CELF2: variants seen among roughly 807,000 people sequenced by gnomAD.
CELF2 encodes the protein CUGBP Elav-like family member 2, also known as CUG triplet repeat RNA-binding protein 2.
Under a neutral mutation model 62.6 loss-of-function variants are expected in CELF2, and 8 were observed. That is an observed-to-expected ratio of 0.13 (90% confidence interval 0.07 to 0.23). The LOEUF is 0.23. CELF2 is among the 10% of genes least tolerant of loss of function. The pLI, the probability that CELF2 is intolerant of heterozygous loss-of-function variation, is 1.00. For synonymous variants in CELF2, 258 were observed against 250.0 expected (o/e 1.03, Z -0.30); for missense variants, 333 against 671.0 (o/e 0.50, Z 5.56).
Position 10,936,076 on chromosome 10 carries a change from C to T in CELF2, c.89+16077C>T, listed in dbSNP as rs540895512. 3.3e-5 allele frequency among the ~76,000 whole-genome samples: 5 copies of T among 151,838 alleles called. No individual in the cohort carries two copies. The highest frequency in any genetic ancestry group is 4.8e-5 in the African/African-American group (2 of 41,308). On this transcript the variant is annotated intron_variant, in intron 2 of 13. Coordinates refer to the CELF2 transcript ENST00000636488. The surrounding 1 kb of genome is among the most constrained non-coding windows in gnomAD (Gnocchi z 4.0). ...ACTCATGAGGCTGAAGCAAGAGAAT[C>T]GCTTAAACCCTGGAGGCAGAGGTTG...
At chr10:10,875,031 G>T (rs1591438920) in intron 1 of CELF2, among the ~76,000 whole-genome samples, 1 of 152,240 alleles carries the variant, frequency 6.6e-6, no homozygotes, top group South Asian at 2.1e-4. Context: ...AGACCCTTTG[G>T]GGGTTTAGGA....
chr10:10,742,589 CAAAAAA>C, the CELF2 span, among the ~76,000 whole-genome samples: 5 of 128,118 alleles, frequency 3.9e-5, no homozygotes, highest in Non-Finnish European at 5.0e-5. Flanking sequence ...GACTTTGTTG[CAAAAAA>C]AAAAAAAAAA....
chr10:10,968,164 AG>A (rs2050347066), intron 2 of CELF2, among the ~76,000 whole-genome samples: 1 of 152,140 alleles, frequency 6.6e-6, no homozygotes, highest in African/African-American at 2.4e-5. Flanking sequence ...TTGATAAGGG[AG>A]GGCTGGGAAA....
At chr10:11,261,760 C>A (rs2080689102) in intron 5 of CELF2, among the ~76,000 whole-genome samples, 1 of 152,374 alleles carries the variant, frequency 6.6e-6, no homozygotes, top group African/African-American at 2.4e-5. Flanking sequence ...TGCTCAGCCT[C>A]TCCAGGCCTG....
At position 11,023,065 on chromosome 10, in the gene CELF2, C is replaced by T. The variant is rs191958570; in HGVS notation, c.74+4902C>T. 1.2e-4 allele frequency among the ~76,000 whole-genome samples: 18 copies of T among 152,220 alleles called. 1 individual carries two copies. The East Asian group carries it at 2.3e-3, about 20-fold the overall frequency. On this transcript the variant is annotated intron_variant, in intron 1 of 12. Coordinates refer to ENST00000633077, the MANE Select transcript of CELF2 (RefSeq NM_001326342.2). ...CATTATTTCCACTTTAGAGTATTAC[C>T]GTTTGGGAGATTTTGTTTCTTCACG...
the CELF2 span, among the ~76,000 whole-genome samples, chr10:10,746,843 A>G: frequency 1.3e-5 from 2 of 152,254 alleles, no homozygotes; most frequent in Admixed American, 1.3e-4. Context: ...TTTTGTACCA[A>G]CCTAATACCA....
At chr10:11,212,974 G>A (rs2062307036) in intron 2 of CELF2, among the ~76,000 whole-genome samples, 1 of 152,148 alleles carries the variant, frequency 6.6e-6, no homozygotes, top group South Asian at 2.1e-4. Context: ...AGTGGAAATA[G>A]GTGAAGCAGC....
intron 2 of CELF2, chr10:10,927,345 T>TGAAAAAAAAAAAAAAAAAAAAAA (rs2065584021): frequency 3.4e-5 from 1 of 29,704 alleles, no homozygotes; most frequent in African/African-American, 2.3e-4. Flanking sequence ...CCTAGTGACA[T>TGAAAAAAAAAAAAAAAAAAAAAA]TAAAAAAAAA....
chr10:11,018,473 G>A (rs957169949), intron 1 of CELF2, among the ~76,000 whole-genome samples: 1 of 151,082 alleles, frequency 6.6e-6, no homozygotes, highest in African/African-American at 2.4e-5. Flanking sequence ...GGGTCCCCGC[G>A]GGGTGAGTGG....
rs1395735907 is a variant in CELF2, at chr10:11,156,923, A to G, written c.75-8563A>G. 1.3e-5 allele frequency among the ~76,000 whole-genome samples: 2 copies of G among 152,324 alleles called. No individual in the cohort carries two copies. The highest frequency in any genetic ancestry group is 3.9e-4 in the East Asian group (2 of 5,194). Reference sequence around the variant, plus strand: ...GAGGAAAAGAAGACCGGAAGAGATGAACTTTAGGTGTGCTGAATTTGAGGT... The same window carrying G: ...GAGGAAAAGAAGACCGGAAGAGATGGACTTTAGGTGTGCTGAATTTGAGGT... On this transcript the variant is annotated intron_variant, in intron 1 of 12. Coordinates refer to ENST00000633077, the MANE Select transcript of CELF2 (RefSeq NM_001326342.2). This position sits in a 1 kb window ranked among gnomAD's most constrained non-coding sequence, Gnocchi z 4.3.
At chr10:10,502,304 G>A in the CELF2 span, among the ~76,000 whole-genome samples, 1 of 151,854 alleles carries the variant, frequency 6.6e-6, no homozygotes, top group African/African-American at 2.4e-5. Flanking sequence ...CTCCTGTTCT[G>A]CTTTTTGGAA....
At chr10:11,229,946 T>C (rs1487025816) in intron 3 of CELF2, among the ~76,000 whole-genome samples, 4 of 152,168 alleles carry the variant, frequency 2.6e-5, no homozygotes, top group Middle Eastern at 3.2e-3. Context: ...TTAGAACTTC[T>C]GTTAAGAGAA....
intron 1 of CELF2, among the ~76,000 whole-genome samples, chr10:11,130,709 T>G (rs896024523): frequency 2.7e-4 from 41 of 152,196 alleles, no homozygotes; most frequent in Admixed American, 8.5e-4. Flanking sequence ...AATGTGTACT[T>G]AAAAAACAGT....
chr10:10,724,678 G>GAAAA, the CELF2 span, among the ~76,000 whole-genome samples: 1 of 111,620 alleles, frequency 9.0e-6, no homozygotes, highest in Non-Finnish European at 2.1e-5. Flanking sequence ...AAAGAAAAAA[G>GAAAA]AAAAGTGCGA....
At chr10:11,197,384 C>A (rs1451460750) in intron 2 of CELF2, among the ~76,000 whole-genome samples, 2 of 152,190 alleles carry the variant, frequency 1.3e-5, no homozygotes, top group Admixed American at 6.5e-5. Flanking sequence ...TAAGTAGCAT[C>A]CAGTTTCATC....
intron 1 of CELF2, among the ~76,000 whole-genome samples, chr10:11,066,357 G>A (rs1247028755): frequency 2.6e-5 from 4 of 151,526 alleles, no homozygotes; most frequent in African/African-American, 9.7e-5. Context: ...ATCACTGTAC[G>A]TTGATTAACC....
intron 1 of CELF2, among the ~76,000 whole-genome samples, chr10:11,161,752 T>C (rs963270629): frequency 6.6e-6 from 1 of 152,190 alleles, no homozygotes; most frequent in African/African-American, 2.4e-5. Context: ...CTAGTCTGAT[T>C]TTCTAAGCCC....
the CELF2 span, among the ~76,000 whole-genome samples, chr10:10,528,975 C>G: frequency 6.6e-6 from 1 of 152,160 alleles, no homozygotes; most frequent in Middle Eastern, 3.2e-3. Flanking sequence ...CTCTTATTTT[C>G]TACAAATGAC....
In CELF2 at chr10:11,098,849, C is replaced by T. The variant is rs2050659463; in HGVS notation, c.75-66637C>T. On this transcript the variant is annotated intron_variant, in intron 1 of 12. Transcript: ENST00000633077. This position sits in a 1 kb window ranked among gnomAD's most constrained non-coding sequence, Gnocchi z 4.0. ...CCGGGTGATAATTCTACCTGGGCAG[C>T]AGGCCACGCGTGAGAGCAGCTTCCC... Among the ~76,000 whole-genome samples the T allele has an allele frequency of 6.6e-6, 1 of 152,206 alleles. No individual in the cohort carries two copies. Among genetic ancestry groups the T allele is most frequent in the Admixed American group, 6.5e-5 (1 of 15,288 alleles).
Sources: allele counts gnomAD v4.1 joint callset (sites outside exome capture counted in the v4.1 genomes callset), GRCh38; gene constraint gnomAD v4.1.1; non-coding constraint Gnocchi (gnomAD v3.1); transcripts MANE v1.5; gene names NCBI Gene and HGNC (gene_info 2026-07-23, HGNC 2026-07-21).